PPP3CA: variants seen among roughly 807,000 people sequenced by gnomAD.
PPP3CA encodes protein phosphatase 3 catalytic subunit alpha, also known as CAM-PRP catalytic subunit.
In PPP3CA, 14 loss-of-function variants were observed where a neutral mutation model predicts 66.5. The observed-to-expected ratio is 0.21, with a 90% CI of 0.14 to 0.33. The LOEUF (loss-of-function observed/expected upper bound fraction) is 0.33, where lower values mean the gene tolerates loss of function less well. Among genes scored for constraint, PPP3CA ranks in the 10% least tolerant of loss-of-function variants. The pLI, the probability that PPP3CA is intolerant of heterozygous loss-of-function variation, is 1.00. For missense variants in PPP3CA, 317 were observed against 639.5 expected, an observed-to-expected ratio of 0.50 and a Z score of 5.44; for synonymous variants, 232 against 226.2, an observed-to-expected ratio of 1.03 and a Z score of -0.23.
intron 2 of PPP3CA, among the ~76,000 whole-genome samples, chr4:101,150,850 A>C (rs1344417684): frequency 6.6e-6 from 1 of 152,130 alleles, no homozygotes; most frequent in Admixed American, 6.5e-5. Flanking sequence ...AGCATACGAC[A>C]TATTATTTGG....
At chr4:101,174,064 C>T (rs1280425801) in intron 2 of PPP3CA, among the ~76,000 whole-genome samples, 12 of 151,538 alleles carry the variant, frequency 7.9e-5, no homozygotes, top group African/African-American at 2.9e-4. Flanking sequence ...AACAAATAAA[C>T]AAACAAACAA....
intron 2 of PPP3CA, among the ~76,000 whole-genome samples, chr4:101,187,358 C>T (rs1724445483): frequency 6.6e-6 from 1 of 152,066 alleles, no homozygotes; most frequent in South Asian, 2.1e-4. Flanking sequence ...ATTGCCACCA[C>T]GTCCTTAATA....
At chr4:101,274,741 G>A (rs1420277034) in intron 1 of PPP3CA, among the ~76,000 whole-genome samples, 2 of 151,722 alleles carry the variant, frequency 1.3e-5, no homozygotes, top group Non-Finnish European at 2.9e-5. Flanking sequence ...AGTTTATTCT[G>A]CCTTTAAAGA....
chr4:101,212,153 T>G (rs935132750), intron 1 of PPP3CA, among the ~76,000 whole-genome samples: 16 of 152,310 alleles, frequency 1.1e-4, no homozygotes, highest in Admixed American at 2.6e-4. Context: ...TCGACATGCC[T>G]GCATTTTGGG....
chr4:101,035,805 CTCAT>C (rs1221467440), intron 11 of PPP3CA, among the ~76,000 whole-genome samples: 3 of 152,200 alleles, frequency 2.0e-5, no homozygotes, highest in African/African-American at 4.8e-5. Context: ...CTGCTGAATT[CTCAT>C]TCAAACTGAT....
At chr4:101,331,084 T>C (rs1729370723) in intron 1 of PPP3CA, among the ~76,000 whole-genome samples, 1 of 152,186 alleles carries the variant, frequency 6.6e-6, no homozygotes, top group Non-Finnish European at 1.5e-5. Context: ...AATGATATTT[T>C]ATATAAAAAG....
chr4:101,067,646 A>G (rs531052108), intron 8 of PPP3CA, among the ~76,000 whole-genome samples: 4 of 138,182 alleles, frequency 2.9e-5, no homozygotes, highest in African/African-American at 1.2e-4. Flanking sequence ...AATGAATGAC[A>G]AGAGTAGAAA....
rs1312003958 is a variant in PPP3CA at position 101,196,119 on chromosome 4, G to A, written c.59-3C>T. The A allele has an allele frequency of 6.2e-7, 1 of 1,613,118 alleles. No homozygotes were observed. The highest frequency in any genetic ancestry group is 1.3e-5 in the African/African-American group (1 of 74,880). On this transcript the variant is annotated splice_region_variant and splice_polypyrimidine_tract_variant and intron_variant, in intron 1 of 13. Coordinates refer to ENST00000394854, the MANE Select transcript of PPP3CA (RefSeq NM_000944.5). Reference sequence around the variant, plus strand: ...GTGACTTGGAGGAAATGGAACAGCTGAAAGAAGAAAGGTCTAATTATTACA... The same window carrying A: ...GTGACTTGGAGGAAATGGAACAGCTAAAAGAAGAAAGGTCTAATTATTACA...
chr4:101,244,835 G>A (rs762417270), intron 1 of PPP3CA, among the ~76,000 whole-genome samples: 4 of 152,214 alleles, frequency 2.6e-5, no homozygotes, highest in Non-Finnish European at 2.9e-5. Flanking sequence ...TCTGTTCTTC[G>A]TTGAAATACC....
intron 11 of PPP3CA, among the ~76,000 whole-genome samples, chr4:101,038,606 G>A (rs1287717508): frequency 6.6e-6 from 1 of 152,078 alleles, no homozygotes; most frequent in Non-Finnish European, 1.5e-5. Context: ...CTGACCTTGT[G>A]ATCTGCCTAC....
Position 101,061,095 on chromosome 4 carries a change from C to A in PPP3CA, c.1148G>T (p.Gly383Val), listed in dbSNP as rs774161035. Reference protein sequence around the residue: ...SDDELGSEEDGFDGATAAARK... With the variant: ...SDDELGSEEDVFDGATAAARK... ...AGGCTCAAGCCTCTTACCATCAAAT[C>A]CATCTTCTTCTGACCCTAGTTCATC... The change falls in exon 10 of 14, where the codon GGA (glycine) becomes GTA (valine). Residue 383 changes from glycine (G) to valine (V), a missense_variant. Transcript: ENST00000394854. 14 of 1,611,162 alleles carry A rather than the reference C, an allele frequency of 8.7e-6. No homozygotes were observed. Among genetic ancestry groups the A allele is most frequent in the Non-Finnish European group, 1.0e-5 (12 of 1,177,874 alleles).
chr4:101,232,986 AAATT>A (rs1369545067), intron 1 of PPP3CA, among the ~76,000 whole-genome samples: 2 of 151,144 alleles, frequency 1.3e-5, no homozygotes, highest in Non-Finnish European at 3.0e-5. Context: ...CTATCTACCC[AAATT>A]AATTATCTAA....
At chr4:101,196,856 C>T (rs1724810650) in intron 1 of PPP3CA, among the ~76,000 whole-genome samples, 1 of 152,182 alleles carries the variant, frequency 6.6e-6, no homozygotes, top group African/African-American at 2.4e-5. Context: ...GCAAGAAGCT[C>T]TCTTGTAGCT....
chr4:101,028,653 A>T (rs1390388428), intron 13 of PPP3CA, among the ~76,000 whole-genome samples: 1 of 152,224 alleles, frequency 6.6e-6, no homozygotes, highest in East Asian at 1.9e-4. Context: ...TTCATCTTAT[A>T]TACAGCTGTC....
At position 101,287,766 on chromosome 4, in the gene PPP3CA, C is replaced by CT. The variant is rs34972470; in HGVS notation, c.58+58972dup. ...AGTAGCTAGTGTTCTATTAACCTCT[C>CT]TTTTTTTTTTTTTTAATTGATGTGA... On this transcript the variant is annotated intron_variant, in intron 1 of 13. Coordinates refer to ENST00000394854, the MANE Select transcript of PPP3CA (RefSeq NM_000944.5). Among the ~76,000 whole-genome samples the CT allele has an allele frequency of 1.5e-3, 223 of 146,174 alleles. 2 individuals are homozygous for CT. In the South Asian group the frequency reaches 0.019, roughly 13 times the overall value.
intron 8 of PPP3CA, among the ~76,000 whole-genome samples, chr4:101,072,896 A>T (rs1728979245): frequency 6.7e-6 from 1 of 149,364 alleles, no homozygotes; most frequent in African/African-American, 2.5e-5. Flanking sequence ...AGATTGAGCC[A>T]CTGCACTCTA....
At chr4:101,157,938 T>C (rs1411936165) in intron 2 of PPP3CA, among the ~76,000 whole-genome samples, 2 of 150,828 alleles carry the variant, frequency 1.3e-5, no homozygotes, top group African/African-American at 4.9e-5. Context: ...TTTTAATTCA[T>C]GTCTAAAAGC....
Position 101,207,079 on chromosome 4 carries a change from A to G in PPP3CA, c.59-10963T>C, listed in dbSNP as rs547988999. ...AATTGCAAACATTTTGAAAAACTAA[A>G]TGATTTTCATCGCATATGTGAATGC... is the stretch of plus-strand genomic sequence containing the variant. On this transcript the variant is annotated intron_variant, in intron 1 of 13. Coordinates refer to ENST00000394854, the MANE Select transcript of PPP3CA (RefSeq NM_000944.5). 4.6e-5 allele frequency among the ~76,000 whole-genome samples: 7 copies of G among 152,314 alleles called. No homozygotes were observed. In the South Asian group the frequency reaches 1.4e-3, roughly 32 times the overall value.
At chr4:101,034,134 C>T (rs1727136760) in intron 11 of PPP3CA, among the ~76,000 whole-genome samples, 1 of 152,114 alleles carries the variant, frequency 6.6e-6, no homozygotes, top group African/African-American at 2.4e-5. Flanking sequence ...AAATAAACAG[C>T]TACCCCACAC....
Sources: allele counts gnomAD v4.1 joint callset (sites outside exome capture counted in the v4.1 genomes callset), GRCh38; gene constraint gnomAD v4.1.1; transcripts MANE v1.5; gene names NCBI Gene and HGNC (gene_info 2026-07-23, HGNC 2026-07-21).